The following FER variants were observed in gnomAD, a reference collection of about 807,000 sequenced individuals.
The protein encoded by FER is tyrosine-protein kinase Fer.
In FER, 63 loss-of-function variants were observed where a neutral mutation model predicts 111.0. The observed-to-expected ratio is 0.57, with a 90% CI of 0.46 to 0.70. The LOEUF is 0.70. Ranked by LOEUF, FER falls within the 30% of genes least tolerant of loss-of-function variation. The pLI is 0.00. For missense variants in FER, 914 were observed against 954.0 expected (o/e 0.96, Z 0.55); for synonymous variants, 327 against 313.9 (o/e 1.04, Z -0.44).
chr5:108,955,148 A>G (rs1490568605), intron 12 of FER, among the ~76,000 whole-genome samples: 1 of 151,874 alleles, frequency 6.6e-6, no homozygotes, highest in Non-Finnish European at 1.5e-5. Context: ...ATTAAAAATA[A>G]TGTTTATAAA....
chr5:108,970,995 A>G (rs928241847), intron 13 of FER, among the ~76,000 whole-genome samples: 1 of 152,300 alleles, frequency 6.6e-6, no homozygotes, highest in Admixed American at 6.5e-5. Context: ...CACATACTTC[A>G]TACCTCATAT....
chr5:108,975,381 A>G (rs1761202758), intron 13 of FER, among the ~76,000 whole-genome samples: 1 of 152,324 alleles, frequency 6.6e-6, no homozygotes, highest in East Asian at 1.9e-4. Context: ...ACAAACATGC[A>G]TGTTCTGTAC....
At chr5:108,837,105 C>T (rs1760746646) in intron 5 of FER, among the ~76,000 whole-genome samples, 4 of 152,128 alleles carry the variant, frequency 2.6e-5, no homozygotes, top group Admixed American at 2.0e-4. Flanking sequence ...GTGGAAAGAG[C>T]ACAGGCTTTG....
At chr5:108,761,971 C>T (rs1751804407) in intron 1 of FER, among the ~76,000 whole-genome samples, 1 of 152,062 alleles carries the variant, frequency 6.6e-6, no homozygotes, top group South Asian at 2.1e-4. Context: ...AGTGCAGTGG[C>T]ATGATCTCAG....
At chr5:109,059,131 A>G (rs776624822) in intron 16 of FER, among the ~76,000 whole-genome samples, 1 of 152,020 alleles carries the variant, frequency 6.6e-6, no homozygotes, top group Admixed American at 6.6e-5. Context: ...AACATCTACT[A>G]TACCACTTTT....
At chr5:109,081,701 C>T (rs577369189) in intron 16 of FER, among the ~76,000 whole-genome samples, 16 of 152,030 alleles carry the variant, frequency 1.1e-4, no homozygotes, top group Admixed American at 2.6e-4. Context: ...CAGGAAAATA[C>T]AAATAAAAGA....
At chr5:108,851,234 G>C (rs546450919) in intron 5 of FER, among the ~76,000 whole-genome samples, 1 of 152,190 alleles carries the variant, frequency 6.6e-6, no homozygotes, top group Non-Finnish European at 1.5e-5. Context: ...CCTCACAATC[G>C]TGGCAGAAGG....
chr5:108,980,558 A>C (rs1045968695), intron 13 of FER, among the ~76,000 whole-genome samples: 2 of 152,136 alleles, frequency 1.3e-5, no homozygotes, highest in Non-Finnish European at 2.9e-5. Context: ...TGTATATAGA[A>C]ATGTGAAATT....
chr5:109,004,950 AGAACTACT>A (rs1283139350), intron 13 of FER, among the ~76,000 whole-genome samples: 1 of 152,120 alleles, frequency 6.6e-6, no homozygotes, highest in Non-Finnish European at 1.5e-5. Flanking sequence ...TTTAATAAAA[AGAACTACT>A]GATAAAAGCA....
chr5:108,931,831 G>A (rs1486259656), intron 10 of FER, among the ~76,000 whole-genome samples: 3 of 151,594 alleles, frequency 2.0e-5, no homozygotes, highest in African/African-American at 2.4e-5. Flanking sequence ...ACTCCATCTC[G>A]GGGAAAAAAA....
At chr5:108,935,440 T>C (rs79333930) in intron 10 of FER, among the ~76,000 whole-genome samples, 8,380 of 152,148 alleles carry the variant, frequency 0.055, 298 homozygotes, top group South Asian at 0.11. Flanking sequence ...ATAATCCTGT[T>C]TGATCTCATG....
intron 13 of FER, among the ~76,000 whole-genome samples, chr5:109,015,939 T>C (rs1767045415): frequency 6.6e-6 from 1 of 152,040 alleles, no homozygotes; most frequent in African/African-American, 2.4e-5. Flanking sequence ...CAGATTTACC[T>C]TCTCTGGCTT....
intron 16 of FER, among the ~76,000 whole-genome samples, chr5:109,061,743 G>C (rs921423064): frequency 1.3e-5 from 2 of 152,130 alleles, no homozygotes; most frequent in African/African-American, 4.8e-5. Context: ...TGGGAATAAA[G>C]CTGTGGAGGG....
At chr5:109,115,076 C>A (rs990592045) in intron 17 of FER, among the ~76,000 whole-genome samples, 1 of 151,904 alleles carries the variant, frequency 6.6e-6, no homozygotes, top group African/African-American at 2.4e-5. Context: ...TATTTTAATT[C>A]TTGACTGTTA....
intron 10 of FER, among the ~76,000 whole-genome samples, chr5:108,916,711 G>A (rs1253641045): frequency 6.6e-6 from 1 of 152,036 alleles, no homozygotes; most frequent in Admixed American, 6.6e-5. Context: ...CCCAGTGTAG[G>A]TGTGTTATTA....
chr5:108,888,716 C>T (rs910324769), intron 9 of FER, among the ~76,000 whole-genome samples: 1 of 151,610 alleles, frequency 6.6e-6, no homozygotes, highest in Middle Eastern at 3.4e-3. Context: ...ATAGTGAGAC[C>T]AGCAATACAT....
intron 9 of FER, among the ~76,000 whole-genome samples, chr5:108,887,167 CTA>C (rs1421980395): frequency 6.6e-6 from 1 of 151,362 alleles, no homozygotes; most frequent in African/African-American, 2.4e-5. Context: ...CAAAAATAGT[CTA>C]TGTTAGATAT....
At position 108,978,347 on chromosome 5, in the gene FER, T is replaced by C. The variant is rs910554442; in HGVS notation, c.1656+19000T>C. Among the ~76,000 whole-genome samples, 6 of 152,238 alleles carry C rather than the reference T, an allele frequency of 3.9e-5. No homozygotes were observed. The East Asian group carries it at 1.2e-3, about 29-fold the overall frequency. On this transcript the variant is annotated intron_variant, in intron 13 of 19. Transcript: ENST00000281092. ...TTGTTTCTCCTGACAATCCTTTGCA[T>C]GTCTGAAGCTGCAATTTACCAAAAT...
intron 17 of FER, among the ~76,000 whole-genome samples, chr5:109,105,815 T>C (rs575357864): frequency 6.3e-4 from 96 of 152,348 alleles, no homozygotes; most frequent in African/African-American, 2.2e-3. Context: ...GTGCTTTAGA[T>C]GCAATGTCTG....
Sources: gnomAD v4.1 joint callset for allele counts (sites outside exome capture counted in the v4.1 genomes callset) on GRCh38, gnomAD v4.1.1 for gene constraint, MANE v1.5 for transcripts, NCBI Gene and HGNC (gene_info 2026-07-23, HGNC 2026-07-21) for gene names.